TSPAN15: variants seen among roughly 807,000 people sequenced by gnomAD.
The protein encoded by TSPAN15 is tetraspanin-15.
Under a neutral mutation model 34.5 loss-of-function variants are expected in TSPAN15, and 20 were observed. That is an observed-to-expected ratio of 0.58 (90% CI 0.41 to 0.84). The LOEUF (loss-of-function observed/expected upper bound fraction) is 0.84. TSPAN15 is among the 40% of genes least tolerant of loss of function. The probability of loss-of-function intolerance (pLI) is 0.00; values close to 1 mark genes in which losing one functional copy is unlikely to be tolerated. For missense variants in TSPAN15, 313 were observed against 386.1 expected, an observed-to-expected ratio of 0.81 and a Z score of 1.59; for synonymous variants, 155 against 153.9, an observed-to-expected ratio of 1.01 and a Z score of -0.05.
At chr10:69,537,260 C>A in the TSPAN15 span, among the ~76,000 whole-genome samples, 3 of 152,048 alleles carry the variant, frequency 2.0e-5, no homozygotes, top group Admixed American at 2.0e-4. Flanking sequence ...GCTGCAGCAC[C>A]GTGAAAGAGT....
intron 1 of TSPAN15, among the ~76,000 whole-genome samples, chr10:69,476,308 A>G (rs1365272182): frequency 1.3e-5 from 2 of 152,174 alleles, no homozygotes; most frequent in Admixed American, 6.5e-5. Flanking sequence ...CCCCAGGCAT[A>G]TGTAGAACCT....
the TSPAN15 span, among the ~76,000 whole-genome samples, chr10:69,539,886 T>C: frequency 5.3e-3 from 802 of 152,068 alleles, 10 homozygotes; most frequent in African/African-American, 0.018. Context: ...CATATATCAC[T>C]TTTACTTATC....
rs761966547 is a variant in TSPAN15, at chr10:69,506,986, C to T, written c.*8C>T. 3 of 1,606,794 alleles carry T rather than the reference C, an allele frequency of 1.9e-6. No homozygotes were observed. Among genetic ancestry groups the T allele is most frequent in the Non-Finnish European group, 2.5e-6 (3 of 1,177,626 alleles). ...TTGTGCTACCCCAATTAGGGCCCAGCCTGCCATGGCAGCTCCAACAAGGAC... is the reference window on the plus strand; with the variant it reads ...TTGTGCTACCCCAATTAGGGCCCAGTCTGCCATGGCAGCTCCAACAAGGAC... On this transcript the variant is annotated 3_prime_UTR_variant, in exon 8 of 8. Transcript: ENST00000373290. This position sits in a 1 kb window ranked among gnomAD's most constrained non-coding sequence, Gnocchi z 4.7.
At chr10:69,532,812 T>C in the TSPAN15 span, among the ~76,000 whole-genome samples, 1 of 152,030 alleles carries the variant, frequency 6.6e-6, no homozygotes, top group South Asian at 2.1e-4. Context: ...GAATCTACAA[T>C]GAACTCAAAC....
chr10:69,517,235 A>G, the TSPAN15 span, among the ~76,000 whole-genome samples: 1 of 152,166 alleles, frequency 6.6e-6, no homozygotes, highest in Non-Finnish European at 1.5e-5. Flanking sequence ...TCACCATGCC[A>G]GGGCTGCCCC....
At position 69,496,744 on chromosome 10, in the gene TSPAN15, T is replaced by C. The variant is rs148980697; in HGVS notation, c.453+1055T>C. On this transcript the variant is annotated intron_variant, in intron 4 of 7. Coordinates refer to ENST00000373290, the MANE Select transcript of TSPAN15 (RefSeq NM_012339.5). ...TCCCCACATGCAGGGCCACTTGCTG[T>C]GGCCGCTCCCTTGGCCCAGACTTTC... Among the ~76,000 whole-genome samples, 28 of 152,320 alleles carry C rather than the reference T, an allele frequency of 1.8e-4. No homozygotes were observed. In the East Asian group the frequency reaches 5.2e-3, roughly 28 times the overall value.
intron 3 of TSPAN15, among the ~76,000 whole-genome samples, chr10:69,490,507 G>C (rs1841945190): frequency 6.6e-6 from 1 of 152,192 alleles, no homozygotes; most frequent in Admixed American, 6.5e-5. Context: ...GATCATTTGA[G>C]GTCAGGAGTT....
intron 3 of TSPAN15, among the ~76,000 whole-genome samples, chr10:69,487,088 A>G (rs934134221): frequency 8.6e-5 from 13 of 151,032 alleles, no homozygotes; most frequent in Non-Finnish European, 1.8e-4. Context: ...TCCAGGGGCT[A>G]CGGGTTAGTG....
chr10:69,519,823 C>T, the TSPAN15 span, among the ~76,000 whole-genome samples: 1 of 152,084 alleles, frequency 6.6e-6, no homozygotes, highest in Non-Finnish European at 1.5e-5. Context: ...ACCTCTGCCT[C>T]CCGGGTTCAA....
the TSPAN15 span, among the ~76,000 whole-genome samples, chr10:69,528,545 G>A: frequency 6.7e-6 from 1 of 148,614 alleles, no homozygotes; most frequent in Admixed American, 6.9e-5. Flanking sequence ...TACAGTTTCA[G>A]CCCTATTGGT....
At chr10:69,476,636 C>T (rs1239079145) in intron 1 of TSPAN15, among the ~76,000 whole-genome samples, 2 of 151,842 alleles carry the variant, frequency 1.3e-5, no homozygotes, top group African/African-American at 4.8e-5. Context: ...TACAATTCAC[C>T]AGGTTCTCTG....
the TSPAN15 span, among the ~76,000 whole-genome samples, chr10:69,539,653 T>C: frequency 6.6e-6 from 1 of 152,154 alleles, no homozygotes; most frequent in African/African-American, 2.4e-5. Context: ...AGTGTCTCTC[T>C]CATGCTGAAG....
chr10:69,498,222 C>A, intron 4 of TSPAN15, 58 bp from the exon 5 acceptor site: 1 of 1,516,938 alleles, frequency 6.6e-7, no homozygotes, highest in Non-Finnish European at 9.2e-7. Flanking sequence ...CCCTTCCTGT[C>A]GTCTGAGCAG....
intron 1 of TSPAN15, among the ~76,000 whole-genome samples, chr10:69,480,093 C>T (rs1841700437): frequency 6.6e-6 from 1 of 152,224 alleles, no homozygotes; most frequent in Admixed American, 6.5e-5. Flanking sequence ...GGAGTGGGTC[C>T]CAGGGCTCTG....
chr10:69,467,254 G>T (rs537152370), intron 1 of TSPAN15, among the ~76,000 whole-genome samples: 3 of 152,112 alleles, frequency 2.0e-5, no homozygotes, highest in African/African-American at 7.2e-5. Context: ...TAATAGGTAG[G>T]TTCCCATTAC....
chr10:69,473,246 A>G (rs1023094229), intron 1 of TSPAN15, among the ~76,000 whole-genome samples: 1 of 152,040 alleles, frequency 6.6e-6, no homozygotes, highest in Non-Finnish European at 1.5e-5. Context: ...TATAGCCTTG[A>G]TCTCCTGGGC....
rs181961428 is a variant in TSPAN15, at chr10:69,507,222, A to G, written c.*244A>G. 7.1e-7 allele frequency: 1 copy of G among 1,399,178 alleles called. No homozygotes were observed. Among genetic ancestry groups the G allele is most frequent in the East Asian group, 2.7e-5 (1 of 36,424 alleles). The allele number at this position is 1,399,178 out of a possible 1,614,324, so 86.7% of individuals were successfully genotyped here. On this transcript the variant is annotated 3_prime_UTR_variant, in exon 8 of 8. Transcript: ENST00000373290. The stretch of plus-strand genomic sequence containing the variant: ...TCTGTGCCCACCTGGGGCCTGGGGA[A>G]CAAGGCCCTCCTTTCTCCAGGCCTG...
the TSPAN15 span, among the ~76,000 whole-genome samples, chr10:69,518,596 G>C: frequency 1.9e-3 from 288 of 152,178 alleles, 1 homozygote; most frequent in African/African-American, 6.6e-3. Context: ...GATAATTTTT[G>C]TATTTTTGGT....
intron 1 of TSPAN15, among the ~76,000 whole-genome samples, chr10:69,461,177 T>TTG (rs1281489991): frequency 6.6e-6 from 1 of 152,188 alleles, no homozygotes; most frequent in African/African-American, 2.4e-5. Context: ...CCCATGTGCC[T>TTG]TGTCCCATTT....
Sources: gnomAD v4.1 joint callset for allele counts (sites outside exome capture counted in the v4.1 genomes callset) on GRCh38, gnomAD v4.1.1 for gene constraint, Gnocchi (gnomAD v3.1) non-coding constraint, MANE v1.5 for transcripts, NCBI Gene and HGNC (gene_info 2026-07-23, HGNC 2026-07-21) for gene names.